IFIH1: variants seen among roughly 807,000 people sequenced by gnomAD.
IFIH1 encodes the protein interferon-induced helicase C domain-containing protein 1.
In IFIH1, 125 loss-of-function variants were observed where a neutral mutation model predicts 107.4. The observed-to-expected ratio is 1.16, with a 90% CI of 1.01 to 1.35. IFIH1 has a LOEUF of 1.35. Ranked by LOEUF, IFIH1 falls within the 40% of genes most tolerant of loss-of-function variation. IFIH1 has a pLI of 0.00. For missense variants in IFIH1, 1,333 were observed against 1,213.7 expected (o/e 1.10, Z -1.46); for synonymous variants, 458 against 413.2 (o/e 1.11, Z -1.31).
At chr2:162,288,507 T>C (rs1324031995) in intron 4 of IFIH1, 152 bp from the exon 5 acceptor site, 1 of 618,082 alleles carries the variant, frequency 1.6e-6, no homozygotes, top group African/African-American at 1.8e-5. Context: ...CCAATTAATG[T>C]CTGCTCTCTG....
chr2:162,274,079 C>T lies in IFIH1; in HGVS notation c.2305-135G>A, dbSNP rs2287290. 0.013 allele frequency: 7,578 copies of T among 575,082 alleles called. 315 individuals are homozygous for T. Among genetic ancestry groups the T allele is most frequent in the East Asian group, 0.083 (2,572 of 30,888 alleles). 35.6% of individuals were successfully genotyped at this position (575,082 alleles called of 1,614,324 possible). Reference sequence around the variant, plus strand: ...AGATCATACATGGATTTGTTGCCATCTGTTTTTGGCATTGAACAAAGACAT... The same window carrying T: ...AGATCATACATGGATTTGTTGCCATTTGTTTTTGGCATTGAACAAAGACAT... On this transcript the variant is annotated intron_variant, in intron 11 of 15. Transcript: ENST00000649979.
chr2:162,303,958 A>T (rs936158699), intron 3 of IFIH1, among the ~76,000 whole-genome samples: 7 of 152,258 alleles, frequency 4.6e-5, no homozygotes, highest in African/African-American at 1.2e-4. Flanking sequence ...ACTCATAGAG[A>T]TGTCGAGTAG....
Position 162,276,005 on chromosome 2 carries a change from A to G in IFIH1, c.2304+682T>C, listed in dbSNP as rs934696635. On this transcript the variant is annotated intron_variant, in intron 11 of 15. Transcript: ENST00000649979. The stretch of plus-strand genomic sequence containing the variant: ...TTGCATAGTTCTAGTTATAACGAAC[A>G]CATTTTTGTGGGAGTTTGAATTTTC... Among the ~76,000 whole-genome samples the G allele has an allele frequency of 3.3e-5, 5 of 152,202 alleles. No individual in the cohort carries two copies. In the East Asian group the frequency reaches 7.7e-4, roughly 23 times the overall value.
chr2:162,285,382 C>G (rs1190140354), intron 5 of IFIH1, among the ~76,000 whole-genome samples: 1 of 151,920 alleles, frequency 6.6e-6, no homozygotes, highest in Admixed American at 6.6e-5. Context: ...TTTTCTAGAT[C>G]AAGGGTAACA....
intron 3 of IFIH1, among the ~76,000 whole-genome samples, chr2:162,295,337 A>T (rs1381730300): frequency 6.6e-6 from 1 of 152,010 alleles, no homozygotes; most frequent in Non-Finnish European, 1.5e-5. Flanking sequence ...AACTTAGTTT[A>T]TAGTAATTGT....
In IFIH1 at chr2:162,306,866, C is replaced by T. The variant is rs1384873017; in HGVS notation, c.623-11G>A. 4 of 1,612,092 alleles carry T rather than the reference C, an allele frequency of 2.5e-6. No individual in the cohort carries two copies. The highest frequency in any genetic ancestry group is 3.3e-5 in the Admixed American group (2 of 59,992). On this transcript the variant is annotated splice_polypyrimidine_tract_variant and intron_variant, in intron 2 of 15. Coordinates refer to ENST00000649979, the MANE Select transcript of IFIH1 (RefSeq NM_022168.4). ...ATAAATTCTCAATCTCTGTGAATAA[C>T]AGTATTAGAATGCAAATCATAGTGC...
chr2:162,272,382 A>G lies in IFIH1; in HGVS notation c.2460T>C (p.Arg820=). The G allele has an allele frequency of 6.2e-7, 1 of 1,611,888 alleles. No homozygotes were observed. The highest frequency in any genetic ancestry group is 1.1e-5 in the South Asian group (1 of 90,938). ...VTNEIAMVQA[R]GRARADESTY... ...TGCTCTCATCAGCTCTGGCTCGACC[A>G]CGGGCCTGAAAACACAAATAAATCA... Residue 820 remains arginine, a synonymous_variant, in exon 13 of 16, where the codon CGT becomes CGC. Transcript: ENST00000649979.
chr2:162,314,648 C>T (rs1009132197), intron 1 of IFIH1, among the ~76,000 whole-genome samples: 1 of 151,706 alleles, frequency 6.6e-6, no homozygotes, highest in Non-Finnish European at 1.5e-5. Context: ...CCACCACACC[C>T]AGCTAATTTT....
chr2:162,277,433 G>A lies in IFIH1; in HGVS notation c.2026C>T (p.Leu676Phe). 1 of 1,608,678 alleles carries A rather than the reference G, an allele frequency of 6.2e-7. No individual in the cohort carries two copies. Among genetic ancestry groups the A allele is most frequent in the Non-Finnish European group, 8.5e-7 (1 of 1,176,326 alleles). Residue 676 changes from leucine (L) to phenylalanine (F), a missense_variant, in exon 10 of 16, where the codon CTC becomes TTC. Leu to Phe is a conservative substitution (Grantham distance 22). Coordinates refer to ENST00000649979, the MANE Select transcript of IFIH1 (RefSeq NM_022168.4). ...PLKLDETDRF[L>F]MTLFFENNKM... ...ATCTTACCAAAAAATAAAGTCATGA[G>A]AAATCTATCTGTTTCATCCAGTTTC...
Position 162,299,886 on chromosome 2 carries a change from T to C in IFIH1, c.770-6218A>G, listed in dbSNP as rs138454514. 4.1e-3 allele frequency among the ~76,000 whole-genome samples: 620 copies of C among 152,284 alleles called. 5 individuals carry two copies. The highest frequency in any genetic ancestry group is 0.014 in the African/African-American group (589 of 41,550). The stretch of plus-strand genomic sequence containing the variant: ...CCTCTGAACACATTTTGAGCTCTCT[T>C]GTGCTTGTGCTTTTGCTCATGATGC... On this transcript the variant is annotated intron_variant, in intron 3 of 15. Coordinates refer to ENST00000649979, the MANE Select transcript of IFIH1 (RefSeq NM_022168.4).
rs1188488206 is a variant in IFIH1, at chr2:162,289,824, A to T, written c.875-1469T>A. ...TCATTCAATATGATTTTTATGAAAA[A>T]CTCATTTAAAATCACCAGCATTTAA... On this transcript the variant is annotated intron_variant, in intron 4 of 15. Transcript: ENST00000649979. Among the ~76,000 whole-genome samples the T allele has an allele frequency of 2.6e-5, 4 of 151,704 alleles. No individual in the cohort carries two copies. In the East Asian group the frequency reaches 7.8e-4, roughly 29 times the overall value.
At chr2:162,271,018 T>C (rs960380900) in intron 13 of IFIH1, among the ~76,000 whole-genome samples, 3 of 152,174 alleles carry the variant, frequency 2.0e-5, no homozygotes, top group Non-Finnish European at 4.4e-5. Flanking sequence ...AATTTTCTTC[T>C]AAATGGATTG....
intron 11 of IFIH1, 52 bp downstream of exon 11, chr2:162,276,634 GA>G (rs1682669160): frequency 3.9e-6 from 6 of 1,548,610 alleles, no homozygotes; most frequent in Non-Finnish European, 5.2e-6. Context: ...GAAGAGAAGA[GA>G]AGAAGAAAAG....
rs1553461361 is a variant in IFIH1, at chr2:162,314,411, C to CTTTCTTTCT, written c.453+3443_453+3444insAGAAAGAAA. 2.9e-4 allele frequency among the ~76,000 whole-genome samples: 18 copies of CTTTCTTTCT among 61,094 alleles called. 1 individual carries two copies. The highest frequency in any genetic ancestry group is 1.5e-3 in the South Asian group (2 of 1,348). 40.1% of individuals were successfully genotyped at this position (61,094 alleles called of 152,430 possible). A position where few individuals can be genotyped will look rare whatever the true frequency, so the allele number is the denominator to read the frequency against. On this transcript the variant is annotated intron_variant, in intron 1 of 15. Transcript: ENST00000649979. ...CCCTCCCTCCCTCCTTTCTTTCTTT[C>CTTTCTTTCT]TTTCTTTTCTTTCTTTCTTTCTTTC...
rs200741709 is a variant in IFIH1 at position 162,277,667 on chromosome 2, G to A, written c.1792C>T (p.Arg598Cys). Residue 598 changes from arginine to cysteine, a missense_variant, in exon 10 of 16, where the codon CGT becomes TGT. Transcript: ENST00000649979. The stretch of plus-strand genomic sequence containing the variant: ...TTCCTCAAATGTTCTGCACAAACAC[G>A]TTCTTTGCGATTTCCTTCTTTTGCA... ...KAAKEGNRKE[R>C]VCAEHLRKYN... 2.3e-5 allele frequency: 37 copies of A among 1,603,908 alleles called. No individual in the cohort carries two copies. Among genetic ancestry groups the A allele is most frequent in the Non-Finnish European group, 3.1e-5 (37 of 1,175,384 alleles).
intron 1 of IFIH1, among the ~76,000 whole-genome samples, chr2:162,311,507 G>T (rs1037801196): frequency 5.3e-5 from 8 of 150,672 alleles, no homozygotes; most frequent in Non-Finnish European, 8.9e-5. Flanking sequence ...TCAAATTTGT[G>T]TTTTTTTAAT....
chr2:162,273,987 A>C (rs749431322), intron 11 of IFIH1, 43 bp from the exon 12 acceptor site: 1 of 1,339,756 alleles, frequency 7.5e-7, no homozygotes, highest in Non-Finnish European at 1.0e-6. Flanking sequence ...GATGCTAAAC[A>C]CATTAAAATC....
chr2:162,281,353 G>C lies in IFIH1; in HGVS notation c.1499C>G (p.Ala500Gly). The change falls in exon 7 of 16, where the codon GCC becomes GGC. Residue 500 changes from alanine (A) to glycine (G), a missense_variant. Ala to Gly is a moderately conservative substitution (Grantham distance 60). Transcript: ENST00000649979. ...SPGVGGATKQ[A>G]KAEEHILKLC... is the part of the protein sequence containing the mutation. Reference sequence around the variant, plus strand: ...TTTTAAAATGTGTTCTTCAGCTTTGGCTTGCTTCGTGGCCCCTCCAACACC... The same window carrying C: ...TTTTAAAATGTGTTCTTCAGCTTTGCCTTGCTTCGTGGCCCCTCCAACACC... The C allele has an allele frequency of 1.9e-6, 3 of 1,612,316 alleles. No individual in the cohort carries two copies. The highest frequency in any genetic ancestry group is 2.7e-5 in the African/African-American group (2 of 74,900).
At chr2:162,278,569 G>T (rs892213776) in intron 8 of IFIH1, among the ~76,000 whole-genome samples, 1 of 152,018 alleles carries the variant, frequency 6.6e-6, no homozygotes, top group Non-Finnish European at 1.5e-5. Flanking sequence ...CAACTTAAAA[G>T]GTTAACAAAA....
Sources: allele counts gnomAD v4.1 joint callset (sites outside exome capture counted in the v4.1 genomes callset), GRCh38; gene constraint gnomAD v4.1.1; transcripts MANE v1.5; gene names NCBI Gene and HGNC (gene_info 2026-07-23, HGNC 2026-07-21).